Variants in ZDHHC14 observed in about 807,000 individuals in gnomAD.
ZDHHC14 encodes zDHHC palmitoyltransferase 14, also known as palmitoyltransferase ZDHHC14.
Under a neutral mutation model 47.7 loss-of-function variants are expected in ZDHHC14, and 16 were observed. The observed-to-expected ratio is 0.34, with a 90% CI of 0.23 to 0.51. The LOEUF (loss-of-function observed/expected upper bound fraction) is 0.51. ZDHHC14 is among the 20% of genes least tolerant of loss of function. The pLI, the probability that ZDHHC14 is intolerant of heterozygous loss-of-function variation, is 0.97. For missense variants in ZDHHC14, 515 were observed against 662.5 expected (o/e 0.78, Z 2.44); for synonymous variants, 293 against 278.9 (o/e 1.05, Z -0.50).
intron 2 of ZDHHC14, among the ~76,000 whole-genome samples, chr6:157,585,911 C>A (rs145697820): frequency 6.0e-4 from 92 of 152,362 alleles, no homozygotes; most frequent in African/African-American, 2.0e-3. Flanking sequence ...GCCTGGTGGA[C>A]AGCGTTGCAG....
intron 4 of ZDHHC14, chr6:157,631,583 G>C (rs147219223): frequency 6.6e-6 from 1 of 152,170 alleles, no homozygotes; most frequent in African/African-American, 2.4e-5. Flanking sequence ...GAGTCTCTCT[G>C]TGGGATCCTG....
rs1171821046 is a variant in ZDHHC14 at position 157,540,888 on chromosome 6, ATGTGTG to A, written c.246-1679_246-1674del. On this transcript the variant is annotated intron_variant, in intron 1 of 8. Transcript: ENST00000359775. ...AACATATATAGATATATATGTATGT[ATGTGTG>A]TGTGTGTGTGTGTGTGTATATATAT... Among the ~76,000 whole-genome samples the A allele has an allele frequency of 3.9e-4, 50 of 127,592 alleles. 1 individual carries two copies. The highest frequency in any genetic ancestry group is 3.8e-3 in the South Asian group (16 of 4,184). The allele number at this position is 127,592 out of a possible 152,430, so 83.7% of individuals were successfully genotyped here.
At position 157,539,557 on chromosome 6, in the gene ZDHHC14, AT is replaced by A. The variant is rs1582907140; in HGVS notation, c.246-3025del. ...GAGTGGGAGGAAGCTGGCCGTTTCT[AT>A]TTAAGAAGAGGGAAAGAGGAAGACA... On this transcript the variant is annotated intron_variant, in intron 1 of 8. Transcript: ENST00000359775. 7.2e-5 allele frequency among the ~76,000 whole-genome samples: 11 copies of A among 152,308 alleles called. No individual in the cohort carries two copies. In the East Asian group the frequency reaches 2.1e-3, roughly 29 times the overall value.
chr6:157,670,728 G>A (rs1265077061), intron 8 of ZDHHC14, among the ~76,000 whole-genome samples: 1 of 151,948 alleles, frequency 6.6e-6, no homozygotes, highest in Non-Finnish European at 1.5e-5. Context: ...CACTGTCCAG[G>A]CTAAAGCCAC....
chr6:157,653,096 A>G (rs1358028144), intron 7 of ZDHHC14, among the ~76,000 whole-genome samples: 2 of 152,200 alleles, frequency 1.3e-5, no homozygotes, highest in Non-Finnish European at 2.9e-5. Flanking sequence ...CCCACGTGGC[A>G]GGCGGTCATT....
intron 1 of ZDHHC14, among the ~76,000 whole-genome samples, chr6:157,425,540 T>C (rs2114774947): frequency 6.6e-6 from 1 of 152,350 alleles, no homozygotes; most frequent in East Asian, 1.9e-4. Flanking sequence ...ATGCGACTAG[T>C]GTTCCCTTTC....
intron 1 of ZDHHC14, among the ~76,000 whole-genome samples, chr6:157,385,554 C>G (rs955687874): frequency 6.6e-6 from 1 of 152,246 alleles, no homozygotes; most frequent in African/African-American, 2.4e-5. Context: ...AGCTCTCATT[C>G]CTGACCTTGA....
chr6:157,488,074 C>T (rs1336293498), intron 1 of ZDHHC14, among the ~76,000 whole-genome samples: 1 of 152,198 alleles, frequency 6.6e-6, no homozygotes, highest in African/African-American at 2.4e-5. Flanking sequence ...CCATCCCTCC[C>T]AGAGAGAAGG....
intron 1 of ZDHHC14, among the ~76,000 whole-genome samples, chr6:157,532,399 T>A (rs945250892): frequency 2.0e-5 from 3 of 152,226 alleles, no homozygotes; most frequent in Non-Finnish European, 4.4e-5. Flanking sequence ...TGAGGAGATT[T>A]AATTTGTATA....
chr6:157,511,658 T>C (rs549889084), intron 1 of ZDHHC14, among the ~76,000 whole-genome samples: 1 of 151,382 alleles, frequency 6.6e-6, no homozygotes, highest in African/African-American at 2.4e-5. Flanking sequence ...CCTACCAAAG[T>C]GCTGGGTTTA....
intron 2 of ZDHHC14, among the ~76,000 whole-genome samples, chr6:157,557,031 G>T (rs1315683022): frequency 6.6e-6 from 1 of 152,228 alleles, no homozygotes; most frequent in Non-Finnish European, 1.5e-5. Flanking sequence ...CGAGGGAAAG[G>T]CCGAGAGCCT....
chr6:157,383,309 A>G (rs1040977687), intron 1 of ZDHHC14, among the ~76,000 whole-genome samples: 2 of 152,146 alleles, frequency 1.3e-5, no homozygotes, highest in African/African-American at 2.4e-5. Context: ...AGAAAGCAAT[A>G]TATTTATAGG....
chr6:157,653,785 G>A (rs548074277), intron 8 of ZDHHC14, among the ~76,000 whole-genome samples, 158 bp downstream of exon 8: 5 of 152,334 alleles, frequency 3.3e-5, no homozygotes, highest in African/African-American at 4.8e-5. Flanking sequence ...GAGGCAAGGC[G>A]TTAAACTAAG....
At chr6:157,598,378 A>C (rs576628212) in intron 3 of ZDHHC14, among the ~76,000 whole-genome samples, 5 of 152,250 alleles carry the variant, frequency 3.3e-5, no homozygotes, top group African/African-American at 1.2e-4. Context: ...ACAGGACTTT[A>C]CTGATTCTCC....
rs143152737 is a variant in ZDHHC14 at position 157,464,892 on chromosome 6, C to T, written c.246-77693C>T. On this transcript the variant is annotated intron_variant, in intron 1 of 8. Transcript: ENST00000359775. ...TAGCTGTGACCAGAGCAGCTCAGGG[C>T]GGGCCAGCTGTGGCTTCGTCGCAGC... 3.2e-3 allele frequency among the ~76,000 whole-genome samples: 481 copies of T among 152,284 alleles called. 3 individuals are homozygous for T. Among genetic ancestry groups the T allele is most frequent in the African/African-American group, 0.011 (449 of 41,536 alleles).
rs149936383 is a variant in ZDHHC14 at position 157,614,706 on chromosome 6, T to G, written c.566-13643T>G. Among the ~76,000 whole-genome samples, 670 of 151,834 alleles carry G rather than the reference T, an allele frequency of 4.4e-3. 5 individuals are homozygous for G. The highest frequency in any genetic ancestry group is 8.7e-3 in the East Asian group (45 of 5,156). ...CGGGGTCACCAGTGTGTGACCTGCT[T>G]CCTCACACGGGGCCCCAGATGGACT... On this transcript the variant is annotated intron_variant, in intron 3 of 8. Transcript: ENST00000359775.
intron 1 of ZDHHC14, among the ~76,000 whole-genome samples, chr6:157,458,044 C>A (rs947661843): frequency 1.3e-5 from 2 of 152,270 alleles, no homozygotes; most frequent in Admixed American, 6.5e-5. Context: ...ACCTGCCCCC[C>A]ACTTTCCATC....
intron 2 of ZDHHC14, among the ~76,000 whole-genome samples, chr6:157,546,971 C>T (rs1351203964): frequency 6.6e-6 from 1 of 152,202 alleles, no homozygotes; most frequent in Non-Finnish European, 1.5e-5. Flanking sequence ...TTAGGAAGCG[C>T]CTCTTCCAAG....
At chr6:157,531,472 C>T (rs551002417) in intron 1 of ZDHHC14, among the ~76,000 whole-genome samples, 1 of 152,070 alleles carries the variant, frequency 6.6e-6, no homozygotes, top group East Asian at 1.9e-4. Flanking sequence ...TCTGACACCC[C>T]CTCCAGAAAG....
Sources: gnomAD v4.1 joint callset for allele counts (sites outside exome capture counted in the v4.1 genomes callset) on GRCh38, gnomAD v4.1.1 for gene constraint, MANE v1.5 for transcripts, NCBI Gene and HGNC (gene_info 2026-07-23, HGNC 2026-07-21) for gene names.